Variants in KIRREL3 observed in about 807,000 individuals in gnomAD.
The protein encoded by KIRREL3 is kin of IRRE-like protein 3.
In KIRREL3, 36 loss-of-function variants were observed where a neutral mutation model predicts 89.7. The ratio of observed to expected loss-of-function variants is 0.40; its 90% CI spans 0.31 to 0.53. The LOEUF is 0.53. Among genes scored for constraint, KIRREL3 ranks in the 20% least tolerant of loss-of-function variants. KIRREL3 has a pLI of 0.49. For synonymous variants in KIRREL3, 445 were observed against 441.4 expected (o/e 1.01, Z -0.10); for missense variants, 864 against 1,056.6 (o/e 0.82, Z 2.53).
At chr11:126,979,373 C>G (rs1159740415) in intron 1 of KIRREL3, among the ~76,000 whole-genome samples, 1 of 152,170 alleles carries the variant, frequency 6.6e-6, no homozygotes, top group African/African-American at 2.4e-5. Flanking sequence ...GCCTTAAGAA[C>G]AACATTACAA....
intron 2 of KIRREL3, among the ~76,000 whole-genome samples, chr11:126,533,890 T>A (rs1181373132): frequency 6.6e-6 from 1 of 152,148 alleles, no homozygotes; most frequent in African/African-American, 2.4e-5. Flanking sequence ...GAAACCGACC[T>A]TCTTCTCTCA....
At chr11:126,875,317 C>G (rs904311117) in intron 1 of KIRREL3, among the ~76,000 whole-genome samples, 1 of 152,008 alleles carries the variant, frequency 6.6e-6, no homozygotes, top group Admixed American at 6.5e-5. Context: ...TAGTGAAAAA[C>G]GAGAGACATA....
In KIRREL3 at chr11:126,639,970, A is replaced by G. The variant is rs1171555925; in HGVS notation, c.56-77058T>C. 1.3e-5 allele frequency among the ~76,000 whole-genome samples: 2 copies of G among 152,216 alleles called. No homozygotes were observed. The highest frequency in any genetic ancestry group is 6.5e-5 in the Admixed American group (1 of 15,288). Reference sequence around the variant, plus strand: ...CCATTAACTTATGCTAAATTACAGTAAAGCATCTATGGAGGAACTTGATGT... The same window carrying G: ...CCATTAACTTATGCTAAATTACAGTGAAGCATCTATGGAGGAACTTGATGT... On this transcript the variant is annotated intron_variant, in intron 1 of 16. Transcript: ENST00000525144. The surrounding 1 kb of genome is among the most constrained non-coding windows in gnomAD (Gnocchi z 4.3).
At position 126,968,038 on chromosome 11, in the gene KIRREL3, A is replaced by G. The variant is rs143048776; in HGVS notation, c.55+32417T>C. On this transcript the variant is annotated intron_variant, in intron 1 of 16. Coordinates refer to ENST00000525144, the MANE Select transcript of KIRREL3 (RefSeq NM_032531.4). ...TTACTAGGCCAACTTGCTTCCCCCA[A>G]AGAAACTTCATAGACATTTGCAAAG... Among the ~76,000 whole-genome samples the G allele has an allele frequency of 6.5e-3, 984 of 152,306 alleles. 7 individuals are homozygous for G. Among genetic ancestry groups the G allele is most frequent in the African/African-American group, 0.022 (919 of 41,558 alleles).
chr11:126,726,487 C>T (rs185067307), intron 1 of KIRREL3, among the ~76,000 whole-genome samples: 52 of 152,292 alleles, frequency 3.4e-4, no homozygotes, highest in African/African-American at 1.2e-3. Context: ...CCTGCCTCAG[C>T]TTCCTGAGTA....
rs1949310501 is a variant in KIRREL3 at position 126,750,835 on chromosome 11, T to G, written c.56-187923A>C. Among the ~76,000 whole-genome samples the G allele has an allele frequency of 6.6e-6, 1 of 152,254 alleles. No individual in the cohort carries two copies. Among genetic ancestry groups the G allele is most frequent in the African/African-American group, 2.4e-5 (1 of 41,472 alleles). On this transcript the variant is annotated intron_variant, in intron 1 of 16. Transcript: ENST00000525144. The surrounding 1 kb of genome is among the most constrained non-coding windows in gnomAD (Gnocchi z 4.2). ...GTCCTCAGTGACTGATGCTCATATA[T>G]TCTTTCCATTTTCATGAGTACTAAT...
intron 9 of KIRREL3, among the ~76,000 whole-genome samples, chr11:126,446,264 C>CTCTTTCTTTTCTT (rs1287331196): frequency 2.6e-3 from 111 of 43,334 alleles, no homozygotes; most frequent in African/African-American, 9.3e-3. Flanking sequence ...TCTTTTCTTT[C>CTCTTTCTTTTCTT]TCTCTCTTTC....
intron 1 of KIRREL3, among the ~76,000 whole-genome samples, chr11:126,852,274 G>A (rs1317218104): frequency 3.9e-5 from 6 of 151,948 alleles, no homozygotes; most frequent in Non-Finnish European, 5.9e-5. Flanking sequence ...GGATGGTCTC[G>A]ATCTTTCGAC....
chr11:126,488,976 C>T (rs1037607240), intron 4 of KIRREL3, among the ~76,000 whole-genome samples: 4 of 152,254 alleles, frequency 2.6e-5, no homozygotes, highest in African/African-American at 9.6e-5. Flanking sequence ...GCTCTCTCCT[C>T]CGAGACTGCG....
At position 126,696,128 on chromosome 11, in the gene KIRREL3, G is replaced by A. The variant is rs536985191; in HGVS notation, c.56-133216C>T. Among the ~76,000 whole-genome samples the A allele has an allele frequency of 2.0e-5, 3 of 151,738 alleles. No homozygotes were observed. Among genetic ancestry groups the A allele is most frequent in the Non-Finnish European group, 2.9e-5 (2 of 67,948 alleles). On this transcript the variant is annotated intron_variant, in intron 1 of 16. Coordinates refer to ENST00000525144, the MANE Select transcript of KIRREL3 (RefSeq NM_032531.4). The surrounding 1 kb of genome is among the most constrained non-coding windows in gnomAD (Gnocchi z 4.4). ...AAAAATTAGCCTGACATGGTGACAC[G>A]TGCCTGTAGTCCCAGCTACTTGGGA...
In KIRREL3 at chr11:126,764,235, G is replaced by A. The variant is rs1018132143; in HGVS notation, c.56-201323C>T. 1.3e-5 allele frequency among the ~76,000 whole-genome samples: 2 copies of A among 152,136 alleles called. No individual in the cohort carries two copies. The highest frequency in any genetic ancestry group is 4.8e-5 in the African/African-American group (2 of 41,416). ...CTGGAAAGGCATCAGACAGCAGGTC[G>A]CTCTGGTCAATGGGCCCACGGCAGC... On this transcript the variant is annotated intron_variant, in intron 1 of 16. Coordinates refer to ENST00000525144, the MANE Select transcript of KIRREL3 (RefSeq NM_032531.4). This position sits in a 1 kb window ranked among gnomAD's most constrained non-coding sequence, Gnocchi z 4.2.
rs1405806083 is a variant in KIRREL3, at chr11:126,699,258, G to A, written c.56-136346C>T. Among the ~76,000 whole-genome samples the A allele has an allele frequency of 3.3e-5, 5 of 152,314 alleles. No individual in the cohort carries two copies. In the South Asian group the frequency reaches 1.0e-3, roughly 32 times the overall value. The stretch of plus-strand genomic sequence containing the variant: ...GAGCCAGAGCCCCTCCATCCAGCTT[G>A]TCCTCACATAGCCTGATATCATAAC... On this transcript the variant is annotated intron_variant, in intron 1 of 16. Transcript: ENST00000525144.
Position 126,927,244 on chromosome 11 carries a change from G to A in KIRREL3, c.55+73211C>T, listed in dbSNP as rs140162560. Among the ~76,000 whole-genome samples, 1,007 of 151,824 alleles carry A rather than the reference G, an allele frequency of 6.6e-3. 6 individuals carry two copies. Among genetic ancestry groups the A allele is most frequent in the Middle Eastern group, 0.014 (4 of 294 alleles). ...GGGGAGTAAGCACACACACACACAC[G>A]CACGCACGCACATGCATACATGCAC... On this transcript the variant is annotated intron_variant, in intron 1 of 16. Transcript: ENST00000525144.
Position 126,607,987 on chromosome 11 carries a change from A to G in KIRREL3, c.56-45075T>C, listed in dbSNP as rs977158044. Among the ~76,000 whole-genome samples, 2 of 152,198 alleles carry G rather than the reference A, an allele frequency of 1.3e-5. No homozygotes were observed. The highest frequency in any genetic ancestry group is 4.8e-5 in the African/African-American group (2 of 41,444). On this transcript the variant is annotated intron_variant, in intron 1 of 16. Coordinates refer to ENST00000525144, the MANE Select transcript of KIRREL3 (RefSeq NM_032531.4). This position sits in a 1 kb window ranked among gnomAD's most constrained non-coding sequence, Gnocchi z 6.6. Reference sequence around the variant, plus strand: ...CAAGGGCCCGAGGAACGAGCACGTCAGCTGTCTCCAGGGCCTTTCTCATCA... The same window carrying G: ...CAAGGGCCCGAGGAACGAGCACGTCGGCTGTCTCCAGGGCCTTTCTCATCA...
chr11:126,686,083 C>G lies in KIRREL3; in HGVS notation c.56-123171G>C, dbSNP rs1346974265. ...GCACTGTTCCTGAGGTGTGAGCAAA[C>G]CCTGCCTCAGATGGCCCCCGAGTCC... On this transcript the variant is annotated intron_variant, in intron 1 of 16. Transcript: ENST00000525144. This position sits in a 1 kb window ranked among gnomAD's most constrained non-coding sequence, Gnocchi z 4.7. 2.6e-5 allele frequency among the ~76,000 whole-genome samples: 4 copies of G among 152,242 alleles called. No homozygotes were observed. The highest frequency in any genetic ancestry group is 4.4e-5 in the Non-Finnish European group (3 of 68,042).
At chr11:126,456,765 G>A (rs1484564294) in intron 6 of KIRREL3, among the ~76,000 whole-genome samples, 1 of 152,208 alleles carries the variant, frequency 6.6e-6, no homozygotes, top group African/African-American at 2.4e-5. Flanking sequence ...AATCTAGGAA[G>A]GAGAGGTGGG....
Position 126,795,856 on chromosome 11 carries a change from G to C in KIRREL3, c.55+204599C>G, listed in dbSNP as rs1950793752. The stretch of plus-strand genomic sequence containing the variant: ...CATCAGCTCTTTGGAGGGGCATGTA[G>C]ATACCCCATGCCAGGCCAGCCTCCG... On this transcript the variant is annotated intron_variant, in intron 1 of 16. Transcript: ENST00000525144. The surrounding 1 kb of genome is among the most constrained non-coding windows in gnomAD (Gnocchi z 4.1). Among the ~76,000 whole-genome samples the C allele has an allele frequency of 6.6e-6, 1 of 152,116 alleles. No homozygotes were observed. The highest frequency in any genetic ancestry group is 2.4e-5 in the African/African-American group (1 of 41,424).
chr11:126,891,570 C>G lies in KIRREL3; in HGVS notation c.55+108885G>C, dbSNP rs1458061063. On this transcript the variant is annotated intron_variant, in intron 1 of 16. Transcript: ENST00000525144. This position sits in a 1 kb window ranked among gnomAD's most constrained non-coding sequence, Gnocchi z 5.1. ...CAGGGTGCTCCGACTGTTAGTCTGTCCTGCTATCACTATCACTGTCAGGGA... is the reference window on the plus strand; with the variant it reads ...CAGGGTGCTCCGACTGTTAGTCTGTGCTGCTATCACTATCACTGTCAGGGA... 6.6e-6 allele frequency among the ~76,000 whole-genome samples: 1 copy of G among 152,246 alleles called. No homozygotes were observed. The highest frequency in any genetic ancestry group is 1.5e-5 in the Non-Finnish European group (1 of 68,048).
rs576378415 is a variant in KIRREL3 at position 126,932,203 on chromosome 11, A to G, written c.55+68252T>C. ...GCCTGTTTGTCTCCGACAAGAAAGGACATGCACGTGAAAGGAGCAGTGTGG... is the reference window on the plus strand; with the variant it reads ...GCCTGTTTGTCTCCGACAAGAAAGGGCATGCACGTGAAAGGAGCAGTGTGG... On this transcript the variant is annotated intron_variant, in intron 1 of 16. Transcript: ENST00000525144. 2.6e-5 allele frequency among the ~76,000 whole-genome samples: 4 copies of G among 152,300 alleles called. No homozygotes were observed. In the South Asian group the frequency reaches 8.3e-4, roughly 32 times the overall value.
Sources: gnomAD v4.1 joint callset for allele counts (sites outside exome capture counted in the v4.1 genomes callset) on GRCh38, gnomAD v4.1.1 for gene constraint, Gnocchi (gnomAD v3.1) non-coding constraint, MANE v1.5 for transcripts, NCBI Gene and HGNC (gene_info 2026-07-23, HGNC 2026-07-21) for gene names.